The following PLCB4 variants were observed in gnomAD, a reference collection of about 807,000 sequenced individuals.
PLCB4 encodes 1-phosphatidylinositol 4,5-bisphosphate phosphodiesterase beta-4.
PLCB4 carries 77 observed loss-of-function variants against 178.8 expected under a neutral mutation model. The ratio of observed to expected loss-of-function variants is 0.43; its 90% CI spans 0.36 to 0.52. The LOEUF is 0.52. Ranked by LOEUF, PLCB4 falls within the 20% of genes least tolerant of loss-of-function variation. PLCB4 has a pLI of 0.00. For missense variants in PLCB4, 1,024 were observed against 1,453.4 expected (o/e 0.70, Z 4.80); for synonymous variants, 496 against 490.8 (o/e 1.01, Z -0.14).
rs373726619 is a variant in PLCB4, at chr20:9,471,857, ACAAGTCTGAGTATACACCCTACAG to A, written c.3351-930_3351-907del. Among the ~76,000 whole-genome samples, 1,223 of 152,306 alleles carry A rather than the reference ACAAGTCTGAGTATACACCCTACAG, an allele frequency of 8.0e-3. 19 individuals are homozygous for A. Among genetic ancestry groups the A allele is most frequent in the African/African-American group, 0.028 (1,158 of 41,562 alleles). On this transcript the variant is annotated intron_variant, in intron 36 of 39. Transcript: ENST00000378473. ...GAGCCTGTTCGTACCCTGCCAAGTG[ACAAGTCTGAGTATACACCCTACAG>A]CAGCCTTTGCCTGTGTGCACAAGAA...
intron 2 of PLCB4, among the ~76,000 whole-genome samples, chr20:9,199,060 T>C (rs985460817): frequency 6.6e-6 from 1 of 152,186 alleles, no homozygotes; most frequent in African/African-American, 2.4e-5. Context: ...CTTAACATGG[T>C]GTGAGGAGCA....
At chr20:9,279,988 G>C (rs11907543) in intron 3 of PLCB4, among the ~76,000 whole-genome samples, 2,703 of 152,126 alleles carry the variant, frequency 0.018, 84 homozygotes, top group African/African-American at 0.061. Flanking sequence ...GGAGTTTAGG[G>C]TGTTTCATGT....
At chr20:9,327,852 T>A (rs1279293613) in intron 4 of PLCB4, among the ~76,000 whole-genome samples, 1 of 152,232 alleles carries the variant, frequency 6.6e-6, no homozygotes, top group Non-Finnish European at 1.5e-5. Context: ...TCAAGTGCTC[T>A]AATGCCCAGA....
chr20:9,460,360 A>T (rs996235898), intron 35 of PLCB4, among the ~76,000 whole-genome samples: 23 of 152,158 alleles, frequency 1.5e-4, no homozygotes, highest in Non-Finnish European at 5.9e-5. Flanking sequence ...AGAGATAAAG[A>T]CCAATCAGTT....
At chr20:9,343,785 C>T (rs1327861822) in intron 7 of PLCB4, among the ~76,000 whole-genome samples, 1 of 152,196 alleles carries the variant, frequency 6.6e-6, no homozygotes, top group Non-Finnish European at 1.5e-5. Context: ...CAAATGTGCT[C>T]TCAGTTGCAG....
At chr20:9,307,282 AAG>A (rs1175279190) in intron 3 of PLCB4, among the ~76,000 whole-genome samples, 1 of 152,058 alleles carries the variant, frequency 6.6e-6, no homozygotes, top group Non-Finnish European at 1.5e-5. Context: ...AAGGGAGCCT[AAG>A]AGAGGGCTAA....
At chr20:9,103,652 A>C (rs753752113) in intron 2 of PLCB4, among the ~76,000 whole-genome samples, 5 of 152,248 alleles carry the variant, frequency 3.3e-5, no homozygotes, top group Non-Finnish European at 7.4e-5. Flanking sequence ...TTGAGCACAA[A>C]ATTTGAGAGT....
intron 3 of PLCB4, among the ~76,000 whole-genome samples, chr20:9,220,226 T>C (rs1007824330): frequency 6.6e-5 from 10 of 152,206 alleles, no homozygotes; most frequent in African/African-American, 2.4e-4. Context: ...GAAAAGAAAG[T>C]AAACAACCCT....
chr20:9,475,259 T>C (rs2044467324), intron 38 of PLCB4, among the ~76,000 whole-genome samples: 1 of 152,196 alleles, frequency 6.6e-6, no homozygotes, highest in African/African-American at 2.4e-5. Context: ...ATCACTACAA[T>C]AGTGGTGTAT....
At chr20:9,437,353 A>G (rs929344938) in intron 30 of PLCB4, among the ~76,000 whole-genome samples, 5 of 152,192 alleles carry the variant, frequency 3.3e-5, no homozygotes, top group Non-Finnish European at 1.5e-5. Context: ...GGGCTCATGA[A>G]CCAACATAGT....
At chr20:9,222,809 A>C (rs2093816232) in intron 3 of PLCB4, among the ~76,000 whole-genome samples, 1 of 151,870 alleles carries the variant, frequency 6.6e-6, no homozygotes, top group African/African-American at 2.4e-5. Context: ...TTATAGAGAA[A>C]CTCTGGTAAA....
chr20:9,372,801 TAA>T (rs199930688), intron 11 of PLCB4, among the ~76,000 whole-genome samples: 43 of 143,474 alleles, frequency 3.0e-4, no homozygotes, highest in African/African-American at 8.5e-4. Flanking sequence ...TTGAAAACGG[TAA>T]AAAAAAAAAA....
chr20:9,449,164 A>G (rs1307129256), intron 32 of PLCB4, among the ~76,000 whole-genome samples: 1 of 152,198 alleles, frequency 6.6e-6, no homozygotes, highest in East Asian at 1.9e-4. Flanking sequence ...ACACAGAAAA[A>G]GGAGAATTAA....
At chr20:9,348,953 G>C (rs1183578343) in intron 7 of PLCB4, among the ~76,000 whole-genome samples, 2 of 151,476 alleles carry the variant, frequency 1.3e-5, no homozygotes, top group Non-Finnish European at 2.9e-5. Flanking sequence ...TGGACAGTGT[G>C]TTTTTATACT....
rs938172751 is a variant in PLCB4 at position 9,465,112 on chromosome 20, G to A, written c.3249-3459G>A. 1.5e-4 allele frequency among the ~76,000 whole-genome samples: 23 copies of A among 152,238 alleles called. No individual in the cohort carries two copies. In the East Asian group the frequency reaches 3.9e-3, roughly 26 times the overall value. On this transcript the variant is annotated intron_variant, in intron 35 of 39. Transcript: ENST00000378473. The stretch of plus-strand genomic sequence containing the variant: ...CATGATCATGTCGGCTTCATCCCTG[G>A]GATGCAAGTCTGGTTCAACATATGC...
intron 2 of PLCB4, among the ~76,000 whole-genome samples, chr20:9,096,996 G>A (rs546356819): frequency 2.0e-5 from 3 of 151,890 alleles, no homozygotes; most frequent in South Asian, 4.2e-4. Context: ...ATGCAGTGGC[G>A]TGATCTTGGC....
At chr20:9,323,046 C>T (rs1465243965) in intron 4 of PLCB4, among the ~76,000 whole-genome samples, 1 of 152,222 alleles carries the variant, frequency 6.6e-6, no homozygotes, top group Non-Finnish European at 1.5e-5. Context: ...TTGGTTTAAA[C>T]CTTTAATGGG....
At chr20:9,438,231 T>C (rs1021188868) in intron 30 of PLCB4, among the ~76,000 whole-genome samples, 3 of 151,960 alleles carry the variant, frequency 2.0e-5, no homozygotes, top group Non-Finnish European at 4.4e-5. Context: ...CCAGGCATGG[T>C]GGCGAGCCCC....
rs758131120 is a variant in PLCB4, at chr20:9,265,286, C to T, written c.-15-42514C>T. 7.9e-5 allele frequency among the ~76,000 whole-genome samples: 12 copies of T among 152,162 alleles called. No homozygotes were observed. In the Middle Eastern group the frequency reaches 0.01, roughly 129 times the overall value. On this transcript the variant is annotated intron_variant, in intron 3 of 39. Coordinates refer to ENST00000378473, the MANE Select transcript of PLCB4 (RefSeq NM_001377142.1). ...TCACTTGAGGTCAGGAGTTCGAGAC[C>T]AGCCTGGCCAACGTGGCAAAACCCC... is the stretch of plus-strand genomic sequence containing the variant.
Sources: gnomAD v4.1 joint callset for allele counts (sites outside exome capture counted in the v4.1 genomes callset) on GRCh38, gnomAD v4.1.1 for gene constraint, MANE v1.5 for transcripts, NCBI Gene and HGNC (gene_info 2026-07-23, HGNC 2026-07-21) for gene names.